The following IRGM variants were observed in gnomAD, a reference collection of about 807,000 sequenced individuals.
IRGM encodes immunity-related GTPase family M protein.
For synonymous variants in IRGM, 98 were observed against 80.6 expected (o/e 1.22, Z -1.16); for missense variants, 288 against 219.9 (o/e 1.31, Z -1.96).
At chr5:150,872,917 A>T (rs1754305810) in intron 1 of IRGM, among the ~76,000 whole-genome samples, 1 of 152,234 alleles carries the variant, frequency 6.6e-6, no homozygotes, top group African/African-American at 2.4e-5. Context: ...TTTGCAAAAC[A>T]GATTCGTGAG....
In IRGM at chr5:150,872,464, C is replaced by T. The variant is rs144169652; in HGVS notation, c.159-5516C>T. ...TCCCAACCTATAACTAGAAGCAGGC[C>T]CCTAGAGGTGAGGTTCATAGTGTGA... is the stretch of plus-strand genomic sequence containing the variant. On this transcript the variant is annotated intron_variant and NMD_transcript_variant, in intron 1 of 3. Coordinates refer to the IRGM transcript ENST00000520549. Among the ~76,000 whole-genome samples, 69 of 152,214 alleles carry T rather than the reference C, an allele frequency of 4.5e-4. No homozygotes were observed. In the East Asian group the frequency reaches 0.01, roughly 23 times the overall value.
At chr5:150,876,696 T>C (rs1754367368) in intron 1 of IRGM, among the ~76,000 whole-genome samples, 1 of 152,122 alleles carries the variant, frequency 6.6e-6, no homozygotes, top group Non-Finnish European at 1.5e-5. Flanking sequence ...TGCAAATGGG[T>C]TCCAGACCCC....
chr5:150,893,926 G>T (rs1561753282), intron 3 of IRGM, among the ~76,000 whole-genome samples: 2 of 152,034 alleles, frequency 1.3e-5, no homozygotes, highest in Non-Finnish European at 1.5e-5. Flanking sequence ...CCTGGGATGT[G>T]GGGGGAGTGA....
At chr5:150,862,765 A>G (rs1754153998) in intron 1 of IRGM, among the ~76,000 whole-genome samples, 1 of 152,202 alleles carries the variant, frequency 6.6e-6, no homozygotes, top group African/African-American at 2.4e-5. Context: ...GCCCTGCTAA[A>G]CTAAGAGATA....
At chr5:150,851,892 C>T (rs1484125119), downstream of IRGM, among the ~76,000 whole-genome samples, 3 of 152,196 alleles carry the variant, frequency 2.0e-5, no homozygotes, top group Non-Finnish European at 4.4e-5. Flanking sequence ...AGGTTTCCTA[C>T]CTGTGCAACT....
At chr5:150,890,965 C>G (rs549849350) in intron 3 of IRGM, among the ~76,000 whole-genome samples, 1 of 152,160 alleles carries the variant, frequency 6.6e-6, no homozygotes, top group East Asian at 1.9e-4. Flanking sequence ...GTTGATTTTG[C>G]TGTTCAAGTC....
At chr5:150,898,547 A>T in intron 3 of IRGM, 1 of 1,605,762 alleles carries the variant, frequency 6.2e-7, no homozygotes, top group Non-Finnish European at 8.5e-7. Flanking sequence ...CTTGAATGAT[A>T]CTAACCCCTG....
intron 1 of IRGM, among the ~76,000 whole-genome samples, chr5:150,857,863 C>A (rs892531379): frequency 4.6e-5 from 7 of 151,940 alleles, no homozygotes; most frequent in African/African-American, 1.7e-4. Flanking sequence ...AATTTTCTCC[C>A]ATTTTGTAGG....
At chr5:150,884,952 A>G (rs933355102) in intron 3 of IRGM, among the ~76,000 whole-genome samples, 9 of 151,998 alleles carry the variant, frequency 5.9e-5, no homozygotes, top group South Asian at 2.1e-4. Context: ...CACGTTTGTC[A>G]TGATTGCTTT....
At chr5:150,893,340 T>C (rs945549729) in intron 3 of IRGM, among the ~76,000 whole-genome samples, 6 of 152,196 alleles carry the variant, frequency 3.9e-5, no homozygotes, top group African/African-American at 1.4e-4. Flanking sequence ...ACCACTGTTT[T>C]ATAAGAAGTC....
At chr5:150,851,578 A>T (rs969871606), downstream of IRGM, among the ~76,000 whole-genome samples, 2 of 152,284 alleles carry the variant, frequency 1.3e-5, no homozygotes, top group Middle Eastern at 3.4e-3. Flanking sequence ...ATAAAACTCA[A>T]ATTTGGAGAT....
At chr5:150,881,141 AT>A (rs1300053261) in intron 3 of IRGM, among the ~76,000 whole-genome samples, 35 of 151,552 alleles carry the variant, frequency 2.3e-4, no homozygotes, top group Non-Finnish European at 4.7e-4. Flanking sequence ...AAAAAAAAAA[AT>A]AGCTTCGATT....
chr5:150,853,395 A>G (rs1411778898), downstream of IRGM, among the ~76,000 whole-genome samples: 9 of 152,152 alleles, frequency 5.9e-5, no homozygotes, highest in African/African-American at 2.2e-4. Context: ...AAAAAACCAT[A>G]TATTCTAATG....
At chr5:150,901,198 A>G (rs2113028899), downstream of IRGM, among the ~76,000 whole-genome samples, 1 of 152,210 alleles carries the variant, frequency 6.6e-6, no homozygotes, top group South Asian at 2.1e-4. Flanking sequence ...TGGGCTAAGT[A>G]AAAAATCCAT....
chr5:150,895,645 G>T, intron 3 of IRGM: 1 of 1,613,108 alleles, frequency 6.2e-7, no homozygotes, highest in Non-Finnish European at 8.5e-7. Context: ...TGGGACTTCT[G>T]AGAGAAGGCT....
intron 1 of IRGM, among the ~76,000 whole-genome samples, chr5:150,877,624 C>T (rs527435557): frequency 6.6e-6 from 1 of 152,164 alleles, no homozygotes; most frequent in Non-Finnish European, 1.5e-5. Flanking sequence ...TATTATTCCC[C>T]TTTTAAAGAT....
In IRGM at chr5:150,848,297, T is replaced by TGAGG; in HGVS notation, c.176_179dup (p.Lys61GlyfsTer2). 6.4e-7 allele frequency: 1 copy of TGAGG among 1,551,772 alleles called. No individual in the cohort carries two copies. The highest frequency in any genetic ancestry group is 8.7e-7 in the Non-Finnish European group (1 of 1,146,946). ...TCAGTGCCCTTCGAAACACAGGACA[T>TGAGG]GAGGGTAAGGCCTCACCTCCTACTG... On this transcript the variant is annotated frameshift_variant, in exon 2 of 2. Transcript: ENST00000522154. LOFTEE classifies it low-confidence loss of function (END_TRUNC).
rs960483517 is a variant in IRGM at position 150,861,161 on chromosome 5, G to T, written c.158+12507G>T. Among the ~76,000 whole-genome samples the T allele has an allele frequency of 2.6e-5, 4 of 152,042 alleles. No homozygotes were observed. In the South Asian group the frequency reaches 6.2e-4, roughly 24 times the overall value. On this transcript the variant is annotated intron_variant and NMD_transcript_variant, in intron 1 of 3. Transcript: ENST00000520549. ...GAAATATCCAAGATGGCTCACTGGA[G>T]GTTCAACTGATTTGGAATGTGTACG...
At chr5:150,883,498 C>A (rs1318196976) in intron 3 of IRGM, among the ~76,000 whole-genome samples, 1 of 150,908 alleles carries the variant, frequency 6.6e-6, no homozygotes, top group African/African-American at 2.4e-5. Flanking sequence ...ATTGACAAAC[C>A]CTTAGCTAGA....
Sources: gnomAD v4.1 joint callset for allele counts (sites outside exome capture counted in the v4.1 genomes callset) on GRCh38, gnomAD v4.1.1 for gene constraint, MANE v1.5 for transcripts, NCBI Gene and HGNC (gene_info 2026-07-23, HGNC 2026-07-21) for gene names.